Variants in LIPC observed in about 807,000 individuals in gnomAD.
LIPC encodes the protein lipase C, hepatic type, also known as hepatic triacylglycerol lipase.
LIPC carries 44 observed loss-of-function variants against 50.7 expected under a neutral mutation model. That is an observed-to-expected ratio of 0.87 (90% CI 0.68 to 1.11). The LOEUF is 1.11. Ranked by LOEUF, LIPC falls within the 50% of genes most tolerant of loss-of-function variation. The pLI is 0.00. For synonymous variants in LIPC, 271 were observed against 256.4 expected (o/e 1.06, Z -0.54); for missense variants, 697 against 648.2 (o/e 1.08, Z -0.82).
At position 58,493,516 on chromosome 15, in the gene LIPC, GA is replaced by G. The variant is rs1195061671; in HGVS notation, c.89-44810del. The stretch of plus-strand genomic sequence containing the variant: ...GTATATATACATATATACACACCTA[GA>G]AAAAAAGTATGTATTTTGTATATAT... On this transcript the variant is annotated intron_variant, in intron 1 of 8. Transcript: ENST00000299022. Among the ~76,000 whole-genome samples, 19 of 148,698 alleles carry G rather than the reference GA, an allele frequency of 1.3e-4. 1 individual carries two copies. Among genetic ancestry groups the G allele is most frequent in the South Asian group, 6.3e-4 (3 of 4,734 alleles).
rs1555408053 is a variant in LIPC, at chr15:58,567,214, A to ATATAT, written c.1389-1502_1389-1501insTATAT. ...AGACTCCGTCTCAAAAAAAATAAAA[A>ATATAT]ATATATATATATATATGTATATATG... is the stretch of plus-strand genomic sequence containing the variant. On this transcript the variant is annotated intron_variant, in intron 8 of 8. Coordinates refer to ENST00000299022, the MANE Select transcript of LIPC (RefSeq NM_000236.3). 1.2e-3 allele frequency among the ~76,000 whole-genome samples: 159 copies of ATATAT among 136,740 alleles called. 4 individuals are homozygous for ATATAT. The highest frequency in any genetic ancestry group is 4.2e-3 in the African/African-American group (156 of 36,842). The allele number at this position is 136,740 out of a possible 152,430, so 89.7% of individuals were successfully genotyped here.
In LIPC at chr15:58,548,587, G is replaced by A. The variant is rs1195002238; in HGVS notation, c.1051+15G>A. 2 of 1,583,844 alleles carry A rather than the reference G, an allele frequency of 1.3e-6. No individual in the cohort carries two copies. Among genetic ancestry groups the A allele is most frequent in the Non-Finnish European group, 1.7e-6 (2 of 1,166,612 alleles). ...CCCCTTCAAAGGTGAGTGTGGAGCT[G>A]GGGAGCCTTCAGAAGGGCAGGATGC... On this transcript the variant is annotated intron_variant, in intron 6 of 8. Coordinates refer to ENST00000299022, the MANE Select transcript of LIPC (RefSeq NM_000236.3).
At chr15:58,433,999 T>C (rs1198942027) in intron 1 of LIPC, among the ~76,000 whole-genome samples, 2 of 152,154 alleles carry the variant, frequency 1.3e-5, no homozygotes, top group Non-Finnish European at 2.9e-5. Context: ...TCAGGAAAGT[T>C]TCTACACCAA....
intron 6 of LIPC, among the ~76,000 whole-genome samples, chr15:58,557,929 G>A (rs1420619721): frequency 3.3e-5 from 5 of 152,116 alleles, no homozygotes; most frequent in African/African-American, 1.2e-4. Context: ...CTGTTCATTT[G>A]TTACAGAGTT....
In LIPC at chr15:58,554,937, C is replaced by T. The variant is rs139270417; in HGVS notation, c.1052-5927C>T. On this transcript the variant is annotated intron_variant, in intron 6 of 8. Transcript: ENST00000299022. ...AACTCAAGGGTGCCTCAGCCATCAGCGCAGGTTCCGTCCCCAGCCCGTTCC... is the reference window on the plus strand; with the variant it reads ...AACTCAAGGGTGCCTCAGCCATCAGTGCAGGTTCCGTCCCCAGCCCGTTCC... 8.6e-3 allele frequency among the ~76,000 whole-genome samples: 1,309 copies of T among 152,298 alleles called. 20 individuals carry two copies. Among genetic ancestry groups the T allele is most frequent in the African/African-American group, 0.03 (1,240 of 41,544 alleles).
At chr15:58,566,130 C>T (rs992921570) in intron 8 of LIPC, 5 of 974,894 alleles carry the variant, frequency 5.1e-6, no homozygotes, top group East Asian at 2.3e-4. Context: ...TTCTAACAAG[C>T]GACCAGGCAA....
At chr15:58,513,731 TCA>T (rs1892401314) in intron 1 of LIPC, among the ~76,000 whole-genome samples, 1 of 152,170 alleles carries the variant, frequency 6.6e-6, no homozygotes, top group African/African-American at 2.4e-5. Flanking sequence ...CTCCCTCAGT[TCA>T]CAGTTGTGCA....
chr15:58,486,727 C>G (rs1449324195), intron 1 of LIPC, among the ~76,000 whole-genome samples: 1 of 152,240 alleles, frequency 6.6e-6, no homozygotes, highest in Non-Finnish European at 1.5e-5. Context: ...TAACTGAACC[C>G]TGGCCCACAG....
chr15:58,523,341 A>G (rs1486704655), intron 1 of LIPC: 1 of 150,874 alleles, frequency 6.6e-6, no homozygotes, highest in African/African-American at 2.4e-5. Context: ...AAGGAAACTG[A>G]CCCCCTGACC....
intron 6 of LIPC, 85 bp downstream of exon 6, chr15:58,548,657 T>A: frequency 1.3e-6 from 2 of 1,510,694 alleles, no homozygotes; most frequent in Non-Finnish European, 1.8e-6. Context: ...GCTTCTTTCC[T>A]GGAGGTGCTT....
At chr15:58,550,512 C>G (rs780795049) in intron 6 of LIPC, among the ~76,000 whole-genome samples, 2 of 152,124 alleles carry the variant, frequency 1.3e-5, no homozygotes, top group South Asian at 2.1e-4. Context: ...TTAAGGAAGA[C>G]CAAAGAATTG....
chr15:58,543,801 T>C (rs956193680), intron 4 of LIPC, among the ~76,000 whole-genome samples: 1 of 152,006 alleles, frequency 6.6e-6, no homozygotes, highest in Non-Finnish European at 1.5e-5. Flanking sequence ...TTTGTATTTT[T>C]AGTAGATACG....
At chr15:58,487,387 A>C (rs1298458583) in intron 1 of LIPC, among the ~76,000 whole-genome samples, 2 of 152,240 alleles carry the variant, frequency 1.3e-5, no homozygotes, top group Non-Finnish European at 2.9e-5. Context: ...GGTACAAAGT[A>C]AGCGCTCAAT....
intron 1 of LIPC, among the ~76,000 whole-genome samples, chr15:58,489,016 C>T (rs1279823564): frequency 6.6e-6 from 1 of 152,110 alleles, no homozygotes; most frequent in African/African-American, 2.4e-5. Context: ...TGTGCATCTG[C>T]AAGTGCATTG....
intron 2 of LIPC, among the ~76,000 whole-genome samples, chr15:58,540,398 A>G (rs1893280440): frequency 6.6e-6 from 1 of 150,390 alleles, no homozygotes; most frequent in Non-Finnish European, 1.5e-5. Context: ...CTTCATAACA[A>G]TCCTGGAAGG....
rs142609334 is a variant in LIPC, at chr15:58,513,669, C to T, written c.89-24664C>T. ...AAGCTGACTACTTAAACTTTTAGCA[C>T]GTCCCTCAAATAAAAGGATAAGGTG... On this transcript the variant is annotated intron_variant, in intron 1 of 8. Coordinates refer to ENST00000299022, the MANE Select transcript of LIPC (RefSeq NM_000236.3). Among the ~76,000 whole-genome samples, 669 of 152,288 alleles carry T rather than the reference C, an allele frequency of 4.4e-3. 5 individuals carry two copies. Among genetic ancestry groups the T allele is most frequent in the African/African-American group, 0.015 (643 of 41,536 alleles).
In LIPC at chr15:58,542,659, T is replaced by A; in HGVS notation, c.574+8T>A. 6.3e-7 allele frequency: 1 copy of A among 1,584,148 alleles called. No individual in the cohort carries two copies. Among genetic ancestry groups the A allele is most frequent in the Non-Finnish European group, 8.7e-7 (1 of 1,153,150 alleles). On this transcript the variant is annotated splice_region_variant and intron_variant, in intron 4 of 8. Transcript: ENST00000299022. ...AGATTGGGAGAATCACAGGTAACCA[T>A]GCCTAATAACTCACACACTGATCTC...
chr15:58,547,632 TAAAAAA>T (rs60995762), intron 5 of LIPC, among the ~76,000 whole-genome samples: 23,180 of 141,070 alleles, frequency 0.16, 2,030 homozygotes, highest in South Asian at 0.33. Flanking sequence ...TTTGGAGAGT[TAAAAAA>T]AAAAAAAAAA....
chr15:58,461,962 C>G (rs1286353552), intron 1 of LIPC, among the ~76,000 whole-genome samples: 1 of 147,154 alleles, frequency 6.8e-6, no homozygotes, highest in African/African-American at 2.5e-5. Flanking sequence ...ACAGTTCAAA[C>G]CTGCTCATGG....
Sources: gnomAD v4.1 joint callset for allele counts (sites outside exome capture counted in the v4.1 genomes callset) on GRCh38, gnomAD v4.1.1 for gene constraint, MANE v1.5 for transcripts, NCBI Gene and HGNC (gene_info 2026-07-23, HGNC 2026-07-21) for gene names.